Variants in CACHD1 observed in about 807,000 individuals in gnomAD.
CACHD1 encodes VWFA and cache domain-containing protein 1.
In CACHD1, 71 loss-of-function variants were observed where a neutral mutation model predicts 138.7. That is an observed-to-expected ratio of 0.51 (90% CI 0.42 to 0.62). The LOEUF is 0.62. Among genes scored for constraint, CACHD1 ranks in the 20% least tolerant of loss-of-function variants. CACHD1 has a pLI of 0.00. For missense variants in CACHD1, 1,389 were observed against 1,625.3 expected (o/e 0.85, Z 2.50); for synonymous variants, 578 against 591.5 (o/e 0.98, Z 0.33).
chr1:64,477,540 G>A (rs569540942), intron 1 of CACHD1, among the ~76,000 whole-genome samples: 69 of 151,078 alleles, frequency 4.6e-4, no homozygotes, highest in South Asian at 1.0e-3. Flanking sequence ...TGATGGTCAG[G>A]CTGGTTTCAT....
chr1:64,588,168 C>A (rs1013228588), intron 3 of CACHD1, among the ~76,000 whole-genome samples: 7 of 152,120 alleles, frequency 4.6e-5, no homozygotes, highest in African/African-American at 1.7e-4. Context: ...CCTTAAAAGA[C>A]CATACGATAT....
chr1:64,484,384 G>T (rs1173222797), intron 1 of CACHD1, among the ~76,000 whole-genome samples: 1 of 151,974 alleles, frequency 6.6e-6, no homozygotes, highest in African/African-American at 2.4e-5. Context: ...GGACCTTGGT[G>T]TAGTTTAAGA....
chr1:64,543,559 C>A (rs1322319121), intron 1 of CACHD1, among the ~76,000 whole-genome samples: 5 of 151,628 alleles, frequency 3.3e-5, no homozygotes, highest in Admixed American at 3.3e-4. Flanking sequence ...CTGGGTAGCA[C>A]AGTGAGACTG....
intron 1 of CACHD1, among the ~76,000 whole-genome samples, chr1:64,533,871 G>A (rs1049173478): frequency 6.6e-6 from 1 of 150,430 alleles, no homozygotes; most frequent in Non-Finnish European, 1.5e-5. Context: ...TTCTGCCTCA[G>A]CCTCCTGAGT....
rs796979544 is a variant in CACHD1, at chr1:64,537,899, AT to A, written c.199-12685del. Among the ~76,000 whole-genome samples, 752 of 150,212 alleles carry A rather than the reference AT, an allele frequency of 5.0e-3. 4 individuals carry two copies. The highest frequency in any genetic ancestry group is 0.016 in the African/African-American group (663 of 41,054). On this transcript the variant is annotated intron_variant, in intron 1 of 26. Transcript: ENST00000651257. The stretch of plus-strand genomic sequence containing the variant: ...GCCACCCTGCTGGTAAGTGGCAAAG[AT>A]TTTTTTTTTAACTCCCCATTTTATG...
chr1:64,617,193 C>T (rs2100607793), intron 4 of CACHD1, among the ~76,000 whole-genome samples: 1 of 151,940 alleles, frequency 6.6e-6, no homozygotes, highest in East Asian at 1.9e-4. Flanking sequence ...TATTGTTCAG[C>T]CGCCATGCAG....
intron 25 of CACHD1, among the ~76,000 whole-genome samples, chr1:64,681,579 G>T (rs187210755): frequency 3.2e-5 from 3 of 93,316 alleles, no homozygotes; most frequent in South Asian, 3.8e-4. Context: ...TAAGTGTGTT[G>T]GCCTAAAACA....
intron 22 of CACHD1, 99 bp from the exon 23 acceptor site, chr1:64,678,060 A>G: frequency 8.1e-7 from 1 of 1,229,784 alleles, no homozygotes; most frequent in Non-Finnish European, 1.1e-6. Context: ...CAGCACTAGT[A>G]AGTAATGGAG....
chr1:64,527,140 G>T (rs1473648220), intron 1 of CACHD1, among the ~76,000 whole-genome samples: 1 of 152,142 alleles, frequency 6.6e-6, no homozygotes, highest in Non-Finnish European at 1.5e-5. Flanking sequence ...TTCTTACTAT[G>T]GCGTAAAATG....
At chr1:64,582,907 T>G (rs1182168073) in intron 3 of CACHD1, among the ~76,000 whole-genome samples, 1 of 152,192 alleles carries the variant, frequency 6.6e-6, no homozygotes, top group East Asian at 1.9e-4. Flanking sequence ...AAGTTTGACT[T>G]GGTCTTTAAT....
chr1:64,487,799 AT>A (rs1646252143), intron 1 of CACHD1, among the ~76,000 whole-genome samples: 1 of 152,214 alleles, frequency 6.6e-6, no homozygotes, highest in African/African-American at 2.4e-5. Context: ...TTAGAAGGCA[AT>A]TCTAATACTT....
intron 9 of CACHD1, among the ~76,000 whole-genome samples, chr1:64,650,086 CAG>C (rs1448703077): frequency 6.6e-6 from 1 of 152,150 alleles, no homozygotes; most frequent in Non-Finnish European, 1.5e-5. Flanking sequence ...GGTTAAAGTA[CAG>C]AGAGTGATTG....
intron 25 of CACHD1, among the ~76,000 whole-genome samples, chr1:64,681,539 G>GTGGTTTTTTTTTTTTTT (rs1463179698): frequency 3.2e-5 from 2 of 63,156 alleles, no homozygotes; most frequent in African/African-American, 2.0e-4. Context: ...AGATTTTATT[G>GTGGTTTTTTTTTTTTTT]TGTTTTTTTT....
At chr1:64,644,146 T>C (rs1648827431) in intron 8 of CACHD1, among the ~76,000 whole-genome samples, 1 of 152,276 alleles carries the variant, frequency 6.6e-6, no homozygotes, top group Non-Finnish European at 1.5e-5. Flanking sequence ...GCAGCTGAAG[T>C]GGGTGAGGGT....
At chr1:64,485,738 G>A (rs530613888) in intron 1 of CACHD1, among the ~76,000 whole-genome samples, 44 of 152,152 alleles carry the variant, frequency 2.9e-4, no homozygotes, top group African/African-American at 1.1e-3. Context: ...GCACCATCAT[G>A]CCTGGCTAAT....
intron 1 of CACHD1, among the ~76,000 whole-genome samples, chr1:64,532,088 G>A (rs1256809416): frequency 3.9e-5 from 6 of 152,178 alleles, no homozygotes; most frequent in Admixed American, 3.9e-4. Context: ...AATGCATAAA[G>A]ATCAGAATAC....
intron 2 of CACHD1, 122 bp from the exon 3 acceptor site, chr1:64,582,033 TG>T (rs1482736376): frequency 9.0e-7 from 1 of 1,105,822 alleles, no homozygotes; most frequent in East Asian, 2.6e-5. Flanking sequence ...GGGTGTGTGT[TG>T]TTTGTTTTAC....
intron 1 of CACHD1, among the ~76,000 whole-genome samples, chr1:64,486,409 C>T (rs1428626512): frequency 6.6e-6 from 1 of 151,772 alleles, no homozygotes; most frequent in Non-Finnish European, 1.5e-5. Context: ...TACACACACA[C>T]ACATACACAC....
intron 1 of CACHD1, among the ~76,000 whole-genome samples, chr1:64,503,905 G>A (rs374194321): frequency 6.6e-6 from 1 of 152,168 alleles, no homozygotes; most frequent in East Asian, 1.9e-4. Flanking sequence ...GAAGAGGTTG[G>A]GGATAGTCCT....
Sources: gnomAD v4.1 joint callset for allele counts (sites outside exome capture counted in the v4.1 genomes callset) on GRCh38, gnomAD v4.1.1 for gene constraint, MANE v1.5 for transcripts, NCBI Gene and HGNC (gene_info 2026-07-23, HGNC 2026-07-21) for gene names.